UGT1A9: variants seen among roughly 807,000 people sequenced by gnomAD.
UGT1A9 encodes the protein UDP glucuronosyltransferase family 1 member A9.
UGT1A9 carries 35 observed loss-of-function variants against 45.0 expected under a neutral mutation model. That is an observed-to-expected ratio of 0.78 (90% CI 0.59 to 1.03). The LOEUF (loss-of-function observed/expected upper bound fraction) is 1.03. UGT1A9 is among the 50% of genes least tolerant of loss of function. The probability of loss-of-function intolerance (pLI) is 0.00; values close to 1 mark genes in which losing one functional copy is unlikely to be tolerated. For missense variants in UGT1A9, 687 were observed against 666.6 expected (o/e 1.03, Z -0.34); for synonymous variants, 278 against 250.6 (o/e 1.11, Z -1.03).
chr2:233,712,982 T>C, intron 1 of UGT1A9: 2 of 1,613,208 alleles, frequency 1.2e-6, no homozygotes, highest in Non-Finnish European at 1.7e-6. Context: ...TGTCGGTGGC[T>C]TCTGCTGAGA....
chr2:233,768,900 A>G (rs972191736), intron 4 of UGT1A9, among the ~76,000 whole-genome samples: 23 of 152,184 alleles, frequency 1.5e-4, no homozygotes, highest in African/African-American at 5.1e-4. Flanking sequence ...TATAAATAAG[A>G]TAATTTAGAG....
intron 1 of UGT1A9, chr2:233,743,958 G>C (rs747210262): frequency 1.5e-6 from 2 of 1,336,694 alleles, no homozygotes; most frequent in Non-Finnish European, 2.0e-6. Flanking sequence ...GGCACAGCGA[G>C]CGGCAAGGCT....
chr2:233,761,598 A>G (rs1310966456), intron 1 of UGT1A9, among the ~76,000 whole-genome samples: 2 of 152,232 alleles, frequency 1.3e-5, no homozygotes, highest in African/African-American at 4.8e-5. Flanking sequence ...TTAAAGCTCC[A>G]GTTTCTAAAT....
chr2:233,751,722 ACTCTTC>A (rs1694794722), intron 1 of UGT1A9, among the ~76,000 whole-genome samples: 1 of 150,748 alleles, frequency 6.6e-6, no homozygotes, highest in African/African-American at 2.4e-5. Context: ...TCACAAGTGA[ACTCTTC>A]CTCTCTGTTT....
Position 233,768,300 on chromosome 2 carries a change from G to C in UGT1A9, c.1156G>C (p.Val386Leu), listed in dbSNP as rs1365887380. Residue 386 changes from valine (V) to leucine (L), a missense_variant, in exon 4 of 5, where the codon GTG becomes CTG. Coordinates refer to ENST00000354728, the MANE Select transcript of UGT1A9 (RefSeq NM_021027.3). Reference protein sequence around the residue: ...YESICNGVPMVMMPLFGDQMD... With the variant: ...YESICNGVPMLMMPLFGDQMD... ...AAGCATATGCAATGGCGTTCCCATG[G>C]TGATGATGCCCTTGTTTGGTGATCA... 1 of 1,614,196 alleles carries C rather than the reference G, an allele frequency of 6.2e-7. No homozygotes were observed. Among genetic ancestry groups the C allele is most frequent in the Admixed American group, 1.7e-5 (1 of 60,014 alleles).
At chr2:233,725,697 GTAGT>G (rs2077468291) in intron 1 of UGT1A9, among the ~76,000 whole-genome samples, 1 of 152,126 alleles carries the variant, frequency 6.6e-6, no homozygotes, top group South Asian at 2.1e-4. Flanking sequence ...ATAGTCATAT[GTAGT>G]TAGTGACTAC....
intron 1 of UGT1A9, chr2:233,729,462 A>G: frequency 2.5e-6 from 4 of 1,614,130 alleles, no homozygotes; most frequent in Non-Finnish European, 3.4e-6. Flanking sequence ...AATTTTTCAG[A>G]AGTATGGCAA....
At chr2:233,696,659 A>G (rs989216959) in intron 1 of UGT1A9, among the ~76,000 whole-genome samples, 1 of 152,198 alleles carries the variant, frequency 6.6e-6, no homozygotes, top group Non-Finnish European at 1.5e-5. Context: ...TTCCAGTACT[A>G]TGAAGAATAA....
At chr2:233,742,091 C>T (rs1449888416) in intron 1 of UGT1A9, 1 of 151,792 alleles carries the variant, frequency 6.6e-6, no homozygotes, top group Non-Finnish European at 1.5e-5. Context: ...TTTACATTTC[C>T]AGGACCCACT....
At chr2:233,764,234 G>A (rs1271610105) in intron 1 of UGT1A9, among the ~76,000 whole-genome samples, 2 of 152,142 alleles carry the variant, frequency 1.3e-5, no homozygotes, top group Non-Finnish European at 2.9e-5. Flanking sequence ...GTGGGGGATT[G>A]GAGTGTTATT....
intron 1 of UGT1A9, among the ~76,000 whole-genome samples, chr2:233,696,619 TTTC>T (rs2125568446): frequency 6.6e-6 from 1 of 152,346 alleles, no homozygotes; most frequent in African/African-American, 2.4e-5. Flanking sequence ...TCTTTCTTTC[TTTC>T]TCTTGCTTAA....
At chr2:233,698,872 C>T (rs1453450954) in intron 1 of UGT1A9, among the ~76,000 whole-genome samples, 1 of 152,262 alleles carries the variant, frequency 6.6e-6, no homozygotes, top group Non-Finnish European at 1.5e-5. Flanking sequence ...GACTTTGCGA[C>T]TTTGACCAAA....
intron 1 of UGT1A9, among the ~76,000 whole-genome samples, chr2:233,702,365 T>A (rs1282819805): frequency 2.0e-5 from 3 of 152,208 alleles, no homozygotes; most frequent in Admixed American, 2.0e-4. Flanking sequence ...TTTTAGTGGA[T>A]TTCGTAGGAT....
chr2:233,712,867 C>T lies in UGT1A9; in HGVS notation c.855+40078C>T, dbSNP rs535442696. ...CGGGTAATAAGTAACTGGAGGAGGG[C>T]ACTCTGTCTTCAATTACATGTTGAT... On this transcript the variant is annotated intron_variant, in intron 1 of 4. Transcript: ENST00000354728. 1.4e-5 allele frequency: 22 copies of T among 1,575,314 alleles called. No individual in the cohort carries two copies. The African/African-American group carries it at 2.4e-4, about 17-fold the overall frequency.
At chr2:233,704,907 G>T (rs1235978243) in intron 1 of UGT1A9, among the ~76,000 whole-genome samples, 1 of 152,152 alleles carries the variant, frequency 6.6e-6, no homozygotes, top group Admixed American at 6.5e-5. Context: ...GCTGAGGCAG[G>T]TGGATCACCT....
chr2:233,724,111 G>A (rs2077170036), intron 1 of UGT1A9, among the ~76,000 whole-genome samples: 1 of 116,358 alleles, frequency 8.6e-6, no homozygotes. Context: ...GGGCGGCCGG[G>A]CAGAGGCGCC....
intron 1 of UGT1A9, among the ~76,000 whole-genome samples, chr2:233,751,671 A>C (rs1207862608): frequency 1.3e-5 from 2 of 152,074 alleles, no homozygotes; most frequent in Non-Finnish European, 2.9e-5. Context: ...GTGAGTTCTA[A>C]TGAGAGCTGA....
At chr2:233,760,517 A>C in intron 1 of UGT1A9, 1 of 1,614,264 alleles carries the variant, frequency 6.2e-7, no homozygotes, top group Non-Finnish European at 8.5e-7. Context: ...TACACCTTGA[A>C]GACGTACCCT....
At chr2:233,738,852 A>G (rs1448497943) in intron 1 of UGT1A9, 2 of 152,248 alleles carry the variant, frequency 1.3e-5, no homozygotes, top group Admixed American at 1.3e-4. Flanking sequence ...AATCACCAAG[A>G]CAATGGGGAA....
Sources: gnomAD v4.1 joint callset for allele counts (sites outside exome capture counted in the v4.1 genomes callset) on GRCh38, gnomAD v4.1.1 for gene constraint, MANE v1.5 for transcripts, NCBI Gene and HGNC (gene_info 2026-07-23, HGNC 2026-07-21) for gene names.